The following SKAP1 variants were observed in gnomAD, a reference collection of about 807,000 sequenced individuals.
SKAP1 encodes the protein src kinase-associated phosphoprotein 1.
Under a neutral mutation model 58.5 loss-of-function variants are expected in SKAP1, and 44 were observed. That is an observed-to-expected ratio of 0.75 (90% CI 0.59 to 0.97). The LOEUF (loss-of-function observed/expected upper bound fraction) is 0.97. Among genes scored for constraint, SKAP1 ranks in the 50% least tolerant of loss-of-function variants. SKAP1 has a pLI of 0.00. For synonymous variants in SKAP1, 127 were observed against 149.7 expected, an observed-to-expected ratio of 0.85 and a Z score of 1.11; for missense variants, 390 against 435.2, an observed-to-expected ratio of 0.90 and a Z score of 0.92.
At chr17:48,236,618 G>A (rs192727923) in intron 4 of SKAP1, among the ~76,000 whole-genome samples, 21 of 152,328 alleles carry the variant, frequency 1.4e-4, no homozygotes, top group African/African-American at 2.6e-4. Flanking sequence ...AAGACTGCTT[G>A]CCAATGGAGG....
At chr17:48,269,506 G>A (rs759867059) in intron 4 of SKAP1, among the ~76,000 whole-genome samples, 4 of 152,086 alleles carry the variant, frequency 2.6e-5, no homozygotes, top group Non-Finnish European at 5.9e-5. Context: ...CCTGCTATAA[G>A]GTCATATTCT....
intron 4 of SKAP1, among the ~76,000 whole-genome samples, chr17:48,301,597 C>T (rs8080544): frequency 0.17 from 26,238 of 152,012 alleles, 2,316 homozygotes; most frequent in Non-Finnish European, 0.19. Context: ...CTACTTCAGC[C>T]TCCCAAGTAG....
intron 11 of SKAP1, among the ~76,000 whole-genome samples, chr17:48,149,471 A>AT (rs1325815070): frequency 6.6e-6 from 1 of 152,188 alleles, no homozygotes; most frequent in Non-Finnish European, 1.5e-5. Context: ...AATCCTCAAG[A>AT]TTGTTCCGGC....
chr17:48,414,040 G>T (rs1215573013), intron 1 of SKAP1, among the ~76,000 whole-genome samples: 1 of 152,138 alleles, frequency 6.6e-6, no homozygotes, highest in Non-Finnish European at 1.5e-5. Flanking sequence ...TATTCTTCAA[G>T]AAATATTTGT....
At chr17:48,219,373 G>A (rs1373790828) in intron 4 of SKAP1, among the ~76,000 whole-genome samples, 1 of 152,140 alleles carries the variant, frequency 6.6e-6, no homozygotes, top group Non-Finnish European at 1.5e-5. Flanking sequence ...AAACCTTTTT[G>A]AAACTCTTAT....
chr17:48,179,211 A>G (rs1370047450), intron 9 of SKAP1, among the ~76,000 whole-genome samples: 4 of 152,212 alleles, frequency 2.6e-5, no homozygotes, highest in African/African-American at 9.6e-5. Flanking sequence ...TGAATTTCTC[A>G]GCAGAGCACT....
chr17:48,295,756 G>A (rs550101607), intron 4 of SKAP1, among the ~76,000 whole-genome samples: 1 of 149,820 alleles, frequency 6.7e-6, no homozygotes, highest in African/African-American at 2.5e-5. Flanking sequence ...TTAATTTCCT[G>A]TCTGAGATCC....
chr17:48,263,929 G>C (rs368526551), intron 4 of SKAP1, among the ~76,000 whole-genome samples: 1 of 152,106 alleles, frequency 6.6e-6, no homozygotes, highest in Non-Finnish European at 1.5e-5. Flanking sequence ...GAGAGCAAAC[G>C]AGAGTGTCTG....
chr17:48,134,410 G>T (rs568096134), intron 12 of SKAP1, among the ~76,000 whole-genome samples: 1 of 151,118 alleles, frequency 6.6e-6, no homozygotes, highest in African/African-American at 2.4e-5. Context: ...CCTCCGCCTC[G>T]TGGATTCAAG....
At chr17:48,367,104 A>G (rs2067013935) in intron 2 of SKAP1, among the ~76,000 whole-genome samples, 1 of 152,184 alleles carries the variant, frequency 6.6e-6, no homozygotes, top group Non-Finnish European at 1.5e-5. Flanking sequence ...CCTACTTTAA[A>G]GTGCCCTGGC....
At chr17:48,167,520 C>T (rs142248966) in intron 10 of SKAP1, among the ~76,000 whole-genome samples, 19 of 152,234 alleles carry the variant, frequency 1.2e-4, no homozygotes, top group Admixed American at 6.5e-5. Flanking sequence ...TCTATTGGCG[C>T]GCACTAAAGT....
intron 4 of SKAP1, among the ~76,000 whole-genome samples, chr17:48,259,239 T>C (rs1175365472): frequency 6.6e-6 from 1 of 151,984 alleles, no homozygotes; most frequent in Non-Finnish European, 1.5e-5. Context: ...TAAAATGAAA[T>C]CATTAGGCAA....
chr17:48,358,033 C>CT (rs1007522313), intron 3 of SKAP1, among the ~76,000 whole-genome samples: 2 of 152,072 alleles, frequency 1.3e-5, no homozygotes, highest in Admixed American at 6.5e-5. Context: ...TGGAATATTT[C>CT]TTTTTTTAAA....
upstream of SKAP1, among the ~76,000 whole-genome samples, chr17:48,431,493 G>T (rs2067915416): frequency 6.6e-6 from 1 of 152,188 alleles, no homozygotes; most frequent in Non-Finnish European, 1.5e-5. Flanking sequence ...ATAGTTAGTA[G>T]CCCTCTTTTA....
intron 4 of SKAP1, among the ~76,000 whole-genome samples, chr17:48,277,808 T>C (rs532728042): frequency 6.6e-6 from 1 of 152,256 alleles, no homozygotes; most frequent in African/African-American, 2.4e-5. Flanking sequence ...CCCAGGCTGG[T>C]CTTGAATTCC....
intron 4 of SKAP1, among the ~76,000 whole-genome samples, chr17:48,336,696 A>ATGAT (rs2066575363): frequency 6.6e-6 from 1 of 151,706 alleles, no homozygotes; most frequent in Non-Finnish European, 1.5e-5. Context: ...ACTATATTTG[A>ATGAT]TAATTAAATG....
intron 4 of SKAP1, among the ~76,000 whole-genome samples, chr17:48,214,594 A>G (rs1315589400): frequency 2.7e-5 from 4 of 150,052 alleles, no homozygotes; most frequent in Admixed American, 6.7e-5. Flanking sequence ...TAATTAAGAG[A>G]AGCTGAACTT....
chr17:48,352,497 A>C (rs963216022), intron 3 of SKAP1, among the ~76,000 whole-genome samples: 1 of 152,182 alleles, frequency 6.6e-6, no homozygotes, highest in African/African-American at 2.4e-5. Context: ...ATAATCTGGA[A>C]TTATTGGCTC....
At chr17:48,147,544 C>G (rs1392241545) in intron 11 of SKAP1, among the ~76,000 whole-genome samples, 2 of 152,204 alleles carry the variant, frequency 1.3e-5, no homozygotes, top group African/African-American at 4.8e-5. Flanking sequence ...AGGCTGGGAA[C>G]AAGAATTGTT....
Sources: gnomAD v4.1 joint callset for allele counts (sites outside exome capture counted in the v4.1 genomes callset) on GRCh38, gnomAD v4.1.1 for gene constraint, MANE v1.5 for transcripts, NCBI Gene and HGNC (gene_info 2026-07-23, HGNC 2026-07-21) for gene names.